FAP: variants seen among roughly 807,000 people sequenced by gnomAD.
FAP encodes the protein prolyl endopeptidase FAP.
Under a neutral mutation model 126.5 loss-of-function variants are expected in FAP, and 110 were observed. That is an observed-to-expected ratio of 0.87 (90% CI 0.74 to 1.02). The LOEUF is 1.02. FAP is among the 50% of genes least tolerant of loss of function. The pLI is 0.00. For synonymous variants in FAP, 334 were observed against 297.3 expected (o/e 1.12, Z -1.27); for missense variants, 919 against 909.2 (o/e 1.01, Z -0.14).
intron 2 of FAP, among the ~76,000 whole-genome samples, chr2:162,241,307 C>T (rs778893754): frequency 2.0e-4 from 30 of 151,854 alleles, no homozygotes; most frequent in Non-Finnish European, 3.8e-4. Context: ...ATATAGTTTA[C>T]GACGTATATT....
intron 2 of FAP, among the ~76,000 whole-genome samples, chr2:162,242,464 CT>C (rs1559801225): frequency 1.3e-5 from 2 of 152,248 alleles, no homozygotes; most frequent in East Asian, 3.9e-4. Context: ...TCTCAACTTC[CT>C]CCCTAAATTT....
At chr2:162,198,222 C>T in intron 16 of FAP, 19 of 1,289,614 alleles carry the variant, frequency 1.5e-5, no homozygotes, top group South Asian at 3.7e-5. Flanking sequence ...ATCTTCTATC[C>T]CCATTGAAAC....
intron 21 of FAP, 85 bp from the exon 22 acceptor site, chr2:162,175,051 C>T (rs971782190): frequency 2.4e-5 from 22 of 925,352 alleles, no homozygotes; most frequent in Middle Eastern, 2.2e-4. Context: ...ACTCACAATC[C>T]GGACTGAAGG....
chr2:162,239,568 A>T (rs1690268419), intron 2 of FAP, among the ~76,000 whole-genome samples: 1 of 152,234 alleles, frequency 6.6e-6, no homozygotes, highest in African/African-American at 2.4e-5. Context: ...TACTCTCGGA[A>T]TTAAGACATT....
intron 10 of FAP, among the ~76,000 whole-genome samples, chr2:162,215,690 G>T (rs1689134504): frequency 6.6e-6 from 1 of 152,162 alleles, no homozygotes; most frequent in African/African-American, 2.4e-5. Flanking sequence ...AAGTTTCACT[G>T]AGATTGATCA....
At chr2:162,195,183 G>A (rs899566637) in intron 16 of FAP, 2 of 190,924 alleles carry the variant, frequency 1.0e-5, no homozygotes, top group Admixed American at 5.6e-5. Context: ...TATTTAGATG[G>A]GTAAAATCGA....
intron 21 of FAP, chr2:162,175,518 G>C (rs565298507): frequency 6.6e-6 from 1 of 152,376 alleles, no homozygotes; most frequent in Admixed American, 6.5e-5. Context: ...GTTTGTGTAT[G>C]TTGTAGTGGT....
intron 17 of FAP, among the ~76,000 whole-genome samples, chr2:162,192,116 C>G (rs986286644): frequency 1.3e-5 from 2 of 152,118 alleles, no homozygotes; most frequent in African/African-American, 4.8e-5. Flanking sequence ...CAAAATTAAA[C>G]CTACATCAAT....
At chr2:162,224,586 G>T (rs1317679859) in intron 4 of FAP, 46 bp from the exon 5 acceptor site, 22 of 1,167,560 alleles carry the variant, frequency 1.9e-5, no homozygotes, top group Non-Finnish European at 2.5e-5. Context: ...AGATAACAAA[G>T]AACCATGTAA....
chr2:162,219,997 C>A (rs1265383094), intron 6 of FAP, 72 bp from the exon 7 acceptor site: 1 of 1,025,786 alleles, frequency 9.7e-7, no homozygotes, highest in Non-Finnish European at 1.5e-6. Context: ...TCTGTATGAA[C>A]AGAAAAAATA....
intron 21 of FAP, chr2:162,176,109 C>G (rs998374407): frequency 1.3e-5 from 2 of 152,050 alleles, no homozygotes; most frequent in African/African-American, 4.8e-5. Context: ...ATCATATCAT[C>G]TTTACCAGAG....
At chr2:162,202,980 C>T (rs563399202) in intron 13 of FAP, 38 bp from the exon 14 acceptor site, 45 of 1,602,528 alleles carry the variant, frequency 2.8e-5, no homozygotes, top group East Asian at 8.9e-5. Context: ...TGAAACTGAG[C>T]GTTATTTGAG....
At chr2:162,240,540 G>C (rs983197207) in intron 2 of FAP, among the ~76,000 whole-genome samples, 1 of 152,144 alleles carries the variant, frequency 6.6e-6, no homozygotes, top group East Asian at 1.9e-4. Flanking sequence ...CTAGACTGCT[G>C]CACCTCCATA....
intron 14 of FAP, 43 bp downstream of exon 14, chr2:162,202,829 A>G (rs1236196609): frequency 6.9e-7 from 1 of 1,450,846 alleles, no homozygotes; most frequent in South Asian, 1.1e-5. Context: ...CATCGGTGCC[A>G]ATTAAAACCT....
In FAP at chr2:162,218,059, T is replaced by G; in HGVS notation, c.689A>C (p.Asp230Ala). 3.7e-6 allele frequency: 6 copies of G among 1,607,684 alleles called. No homozygotes were observed. Among genetic ancestry groups the G allele is most frequent in the Non-Finnish European group, 4.3e-6 (5 of 1,175,642 alleles). ...FLAYAEFNDTDIPVIAYSYYG... is the reference protein window; with the variant it reads ...FLAYAEFNDTAIPVIAYSYYG... ...ATAGGAATAGGCAATAACTGGTATATCCGTATCATTAAATTCCGCATATGC... is the reference window on the plus strand; with the variant it reads ...ATAGGAATAGGCAATAACTGGTATAGCCGTATCATTAAATTCCGCATATGC... Residue 230 changes from aspartate (D) to alanine (A), a missense_variant, in exon 9 of 26, where the codon GAT (aspartate) becomes GCT (alanine). Physicochemically the swap from Asp to Ala is moderately radical, Grantham distance 126. Coordinates refer to ENST00000188790, the MANE Select transcript of FAP (RefSeq NM_004460.5).
chr2:162,197,553 T>C (rs1036904818), intron 16 of FAP: 1 of 456,528 alleles, frequency 2.2e-6, no homozygotes, highest in Admixed American at 2.3e-5. Flanking sequence ...TTTATGAAAG[T>C]GTTATTTCAA....
chr2:162,236,778 GT>G (rs1436410045), intron 2 of FAP, among the ~76,000 whole-genome samples: 1 of 151,924 alleles, frequency 6.6e-6, no homozygotes, highest in African/African-American at 2.4e-5. Context: ...TAATTTTTGT[GT>G]TTTTGTAGGG....
At chr2:162,180,853 G>C (rs1291342873) in intron 21 of FAP, among the ~76,000 whole-genome samples, 1 of 152,194 alleles carries the variant, frequency 6.6e-6, no homozygotes, top group African/African-American at 2.4e-5. Context: ...GCACAGAAGA[G>C]AGGTGTGTGC....
intron 16 of FAP, among the ~76,000 whole-genome samples, chr2:162,195,645 G>C (rs912739121): frequency 4.6e-5 from 7 of 152,106 alleles, no homozygotes; most frequent in Admixed American, 6.5e-5. Context: ...TGGCACACCA[G>C]TGTCCACTAC....
Sources: allele counts gnomAD v4.1 joint callset (sites outside exome capture counted in the v4.1 genomes callset), GRCh38; gene constraint gnomAD v4.1.1; transcripts MANE v1.5; gene names NCBI Gene and HGNC (gene_info 2026-07-23, HGNC 2026-07-21).